Variants in HS3ST4 observed in about 807,000 individuals in gnomAD.
HS3ST4 encodes heparan sulfate glucosamine 3-O-sulfotransferase 4.
A neutral mutation model predicts 29.2 loss-of-function variants in HS3ST4; 17 were observed. That is an observed-to-expected ratio of 0.58 (90% CI 0.40 to 0.87). The LOEUF (loss-of-function observed/expected upper bound fraction) is 0.87. Ranked by LOEUF, HS3ST4 falls within the 40% of genes least tolerant of loss-of-function variation. HS3ST4 has a pLI of 0.00. For missense variants in HS3ST4, 627 were observed against 634.5 expected (o/e 0.99, Z 0.13); for synonymous variants, 314 against 285.7 (o/e 1.10, Z -1.00).
intron 1 of HS3ST4, among the ~76,000 whole-genome samples, chr16:25,884,064 G>A (rs1308451705): frequency 6.6e-6 from 1 of 151,718 alleles, no homozygotes; most frequent in Non-Finnish European, 1.5e-5. Context: ...AGTGAGCCAA[G>A]ATCATGCCAC....
At chr16:25,965,399 C>CAAA in intron 1 of HS3ST4, among the ~76,000 whole-genome samples, 1 of 129,196 alleles carries the variant, frequency 7.7e-6, no homozygotes, top group East Asian at 2.3e-4. Context: ...AATTTCTTGT[C>CAAA]AAAAAAAAAA....
chr16:26,069,463 G>T (rs757771731), intron 1 of HS3ST4, among the ~76,000 whole-genome samples: 5 of 152,050 alleles, frequency 3.3e-5, no homozygotes, highest in Non-Finnish European at 5.9e-5. Context: ...GCACATCCAG[G>T]GTAACCTGAT....
intron 1 of HS3ST4, among the ~76,000 whole-genome samples, chr16:25,710,291 T>C (rs1278941008): frequency 6.6e-6 from 1 of 152,124 alleles, no homozygotes; most frequent in Non-Finnish European, 1.5e-5. Context: ...CTTCAGCTTA[T>C]GTGTGTGTGT....
chr16:25,820,231 G>A (rs1051266154), intron 1 of HS3ST4, among the ~76,000 whole-genome samples: 1 of 151,798 alleles, frequency 6.6e-6, no homozygotes, highest in Non-Finnish European at 1.5e-5. Flanking sequence ...GACCACCTGT[G>A]CTGTCTTTCA....
intron 1 of HS3ST4, among the ~76,000 whole-genome samples, chr16:25,983,598 C>T (rs970130714): frequency 3.9e-5 from 6 of 152,196 alleles, no homozygotes; most frequent in African/African-American, 1.2e-4. Flanking sequence ...TGTTATCATT[C>T]GTGGTGGATG....
In HS3ST4 at chr16:25,919,575, A is replaced by G. The variant is rs906514557; in HGVS notation, c.735-216037A>G. 3.9e-5 allele frequency among the ~76,000 whole-genome samples: 6 copies of G among 152,070 alleles called. No homozygotes were observed. The South Asian group carries it at 1.0e-3, about 26-fold the overall frequency. On this transcript the variant is annotated intron_variant, in intron 1 of 1. Transcript: ENST00000331351. ...GGGGACTTGGTGATATCACTTAGGG[A>G]GATAAGGTTGAGTGAGAAAAGATGT...
rs1377098024 is a variant in HS3ST4, at chr16:26,136,918, A to C, written c.*670A>C. Reference sequence around the variant, plus strand: ...CACAGAAGAAAATGAAAGCTGACACACCTCGAAGCCTTCTTTCCAAGAGCC... The same window carrying C: ...CACAGAAGAAAATGAAAGCTGACACCCCTCGAAGCCTTCTTTCCAAGAGCC... On this transcript the variant is annotated 3_prime_UTR_variant, in exon 2 of 2. Coordinates refer to ENST00000331351, the MANE Select transcript of HS3ST4 (RefSeq NM_006040.3). 6.5e-6 allele frequency: 1 copy of C among 152,690 alleles called. No individual in the cohort carries two copies. The highest frequency in any genetic ancestry group is 1.5e-5 in the Non-Finnish European group (1 of 68,620). The allele number at this position is 152,690 out of a possible 1,614,324, so 9.5% of individuals were successfully genotyped here.
At chr16:26,071,093 T>G (rs571257091) in intron 1 of HS3ST4, among the ~76,000 whole-genome samples, 103 of 152,358 alleles carry the variant, frequency 6.8e-4, no homozygotes, top group African/African-American at 2.4e-3. Context: ...GAGGCTGAAT[T>G]GCTAATAGAA....
chr16:25,820,848 G>A (rs574409671), intron 1 of HS3ST4, among the ~76,000 whole-genome samples: 7 of 151,844 alleles, frequency 4.6e-5, no homozygotes, highest in Non-Finnish European at 1.0e-4. Flanking sequence ...TGAGATTACA[G>A]GCATGAGCCA....
chr16:25,918,782 G>A (rs1432363060), intron 1 of HS3ST4, among the ~76,000 whole-genome samples: 2 of 152,176 alleles, frequency 1.3e-5, no homozygotes, highest in Non-Finnish European at 2.9e-5. Flanking sequence ...TCCAGGCTAT[G>A]TGACAGAGCC....
At chr16:25,695,096 GTT>G (rs972455821) in intron 1 of HS3ST4, among the ~76,000 whole-genome samples, 1 of 152,214 alleles carries the variant, frequency 6.6e-6, no homozygotes, top group Non-Finnish European at 1.5e-5. Flanking sequence ...TCCTGATTAT[GTT>G]ATTCCAGCGC....
chr16:25,722,183 T>G (rs1567226984), intron 1 of HS3ST4, among the ~76,000 whole-genome samples: 1 of 152,180 alleles, frequency 6.6e-6, no homozygotes, highest in Non-Finnish European at 1.5e-5. Flanking sequence ...CTCAATTAAT[T>G]CTGTCCTAAA....
At position 25,995,626 on chromosome 16, in the gene HS3ST4, A is replaced by G. The variant is rs533573926; in HGVS notation, c.735-139986A>G. Among the ~76,000 whole-genome samples, 69 of 152,306 alleles carry G rather than the reference A, an allele frequency of 4.5e-4. 1 individual carries two copies. In the South Asian group the frequency reaches 0.012, roughly 26 times the overall value. ...AATCGTGTGCCCATCCTGAATGCAC[A>G]AGAACTGTGAATGGGGGTGGAGTGG... On this transcript the variant is annotated intron_variant, in intron 1 of 1. Transcript: ENST00000331351.
At chr16:26,064,503 C>T (rs1236240081) in intron 1 of HS3ST4, among the ~76,000 whole-genome samples, 1 of 151,550 alleles carries the variant, frequency 6.6e-6, no homozygotes, top group Admixed American at 6.6e-5. Context: ...GTACATAGGA[C>T]CAGATTAAGG....
rs962119913 is a variant in HS3ST4 at position 25,692,944 on chromosome 16, C to A, written c.527C>A (p.Ala176Glu). 21 of 1,608,560 alleles carry A rather than the reference C, an allele frequency of 1.3e-5. No individual in the cohort carries two copies. The highest frequency in any genetic ancestry group is 6.6e-5 in the South Asian group (6 of 90,298). The change falls in exon 1 of 2, where the codon GCG becomes GAG. Residue 176 changes from alanine to glutamate, a missense_variant. Around this residue, in one of 2 missense-constraint regions of HS3ST4, gnomAD observed 402 missense variants for 340.8 expected, o/e 1.18. Transcript: ENST00000331351. Reference sequence around the variant, plus strand: ...GACGAGGATCTCGCAGGCCGGAGAGCGGCCAACGGGAGCAGCGAGAGGGGC... The same window carrying A: ...GACGAGGATCTCGCAGGCCGGAGAGAGGCCAACGGGAGCAGCGAGAGGGGC... ...TTDEDLAGRRAANGSSERGGA... is the reference protein window; with the variant it reads ...TTDEDLAGRREANGSSERGGA...
At chr16:25,848,578 T>C (rs1216198794) in intron 1 of HS3ST4, among the ~76,000 whole-genome samples, 1 of 152,160 alleles carries the variant, frequency 6.6e-6, no homozygotes, top group Non-Finnish European at 1.5e-5. Flanking sequence ...TTATATCTAG[T>C]ATAAACCTCT....
intron 1 of HS3ST4, among the ~76,000 whole-genome samples, chr16:25,900,151 C>G (rs1332272455): frequency 2.0e-5 from 3 of 152,120 alleles, no homozygotes; most frequent in Non-Finnish European, 4.4e-5. Flanking sequence ...TAACGTTTAT[C>G]TTGGTAATCT....
chr16:26,111,777 G>T (rs1899132153), intron 1 of HS3ST4, among the ~76,000 whole-genome samples: 1 of 152,118 alleles, frequency 6.6e-6, no homozygotes. Flanking sequence ...CCAACACTTT[G>T]GGAGGCCAAG....
intron 1 of HS3ST4, among the ~76,000 whole-genome samples, chr16:25,903,320 T>TATATACATATGTATATGTATA (rs1968139316): frequency 1.9e-5 from 2 of 105,456 alleles, no homozygotes; most frequent in African/African-American, 7.6e-5. Flanking sequence ...ATGTATATAT[T>TATATACATATGTATATGTATA]ATATATATGT....
Sources: gnomAD v4.1 joint callset for allele counts (sites outside exome capture counted in the v4.1 genomes callset) on GRCh38, gnomAD v4.1.1 for gene constraint, gnomAD v4.1.1 regional missense constraint, MANE v1.5 for transcripts, NCBI Gene and HGNC (gene_info 2026-07-23, HGNC 2026-07-21) for gene names.